The following PPP1R13L variants were observed in gnomAD, a reference collection of about 807,000 sequenced individuals.
PPP1R13L encodes protein phosphatase 1 regulatory subunit 13 like.
PPP1R13L carries 50 observed loss-of-function variants against 80.9 expected under a neutral mutation model. That is an observed-to-expected ratio of 0.62 (90% confidence interval 0.49 to 0.78). The LOEUF is 0.78. PPP1R13L is among the 30% of genes least tolerant of loss of function. The probability of loss-of-function intolerance (pLI) is 0.00; values close to 1 mark genes in which losing one functional copy is unlikely to be tolerated. For synonymous variants in PPP1R13L, 602 were observed against 534.3 expected, an observed-to-expected ratio of 1.13 and a Z score of -1.75; for missense variants, 1,200 against 1,205.9, an observed-to-expected ratio of 1.00 and a Z score of 0.07.
intron 1 of PPP1R13L, 49 bp from the exon 2 acceptor site, chr19:45,398,388 C>A: frequency 6.4e-7 from 1 of 1,574,368 alleles, no homozygotes; most frequent in African/African-American, 1.4e-5. Context: ...CCCCTCTAGA[C>A]CCCGCCCTCA....
chr19:45,384,243 G>T (rs1270136306), intron 11 of PPP1R13L, among the ~76,000 whole-genome samples: 1 of 151,432 alleles, frequency 6.6e-6, no homozygotes. Context: ...TTTGTAGGCC[G>T]GGCACAGTGG....
In PPP1R13L at chr19:45,398,037, G is replaced by A. The variant is rs747260228; in HGVS notation, c.166C>T (p.Pro56Ser). ...GGGGGTCCGGCCTGCGGGCCAGGAGGCGCGGGAGAGTCTGACCACAGCGAC... is the reference window on the plus strand; with the variant it reads ...GGGGGTCCGGCCTGCGGGCCAGGAGACGCGGGAGAGTCTGACCACAGCGAC... ...LESLWSDSPA[P>S]PGPQAGPPSR... is the part of the protein sequence containing the mutation. The change falls in exon 3 of 13, where the codon CCT becomes TCT. Residue 56 changes from proline (P) to serine (S), a missense_variant. Around this residue, in one of 5 missense-constraint regions of PPP1R13L, gnomAD observed 764 missense variants for 714.5 expected, o/e 1.07. Coordinates refer to ENST00000360957, the MANE Select transcript of PPP1R13L (RefSeq NM_006663.4). 1.2e-5 allele frequency: 19 copies of A among 1,613,806 alleles called. No homozygotes were observed. The highest frequency in any genetic ancestry group is 2.2e-5 in the East Asian group (1 of 44,894).
intron 1 of PPP1R13L, among the ~76,000 whole-genome samples, chr19:45,404,702 A>G (rs4803817): frequency 0.28 from 42,634 of 151,936 alleles, 6,440 homozygotes; most frequent in African/African-American, 0.37. Context: ...GAACCCCTAT[A>G]CTACCCAAAG....
At position 45,380,091 on chromosome 19, in the gene PPP1R13L, G is replaced by A. The variant is rs886625135; in HGVS notation, c.*99C>T. The stretch of plus-strand genomic sequence containing the variant: ...TGGCAAGGACCACCACCAGCAGGGT[G>A]AGGGGTGCAGATAAAGGCAGCAAAA... On this transcript the variant is annotated 3_prime_UTR_variant, in exon 13 of 13. Transcript: ENST00000360957. 1 of 1,336,930 alleles carries A rather than the reference G, an allele frequency of 7.5e-7. No individual in the cohort carries two copies. The highest frequency in any genetic ancestry group is 1.1e-6 in the Non-Finnish European group (1 of 938,356). 82.8% of individuals were successfully genotyped at this position (1,336,930 alleles called of 1,614,324 possible). A position where few individuals can be genotyped will look rare whatever the true frequency, so the allele number is the denominator to read the frequency against.
At chr19:45,390,990 G>C (rs1972961160) in intron 8 of PPP1R13L, among the ~76,000 whole-genome samples, 1 of 152,054 alleles carries the variant, frequency 6.6e-6, no homozygotes. Context: ...TTGAAGTCAG[G>C]AGTTTGAGAC....
In PPP1R13L at chr19:45,396,086, G is replaced by C; in HGVS notation, c.903+82C>G. On this transcript the variant is annotated intron_variant, in intron 6 of 12. Coordinates refer to ENST00000360957, the MANE Select transcript of PPP1R13L (RefSeq NM_006663.4). The surrounding 1 kb of genome is among the most constrained non-coding windows in gnomAD (Gnocchi z 5.3). ...CCGAGACCCAGATCGCAGCCCCGAG[G>C]GGGAGACTGGCCTTGACCCCGCTCC... is the stretch of plus-strand genomic sequence containing the variant. 1 of 1,471,552 alleles carries C rather than the reference G, an allele frequency of 6.8e-7. No individual in the cohort carries two copies. Among genetic ancestry groups the C allele is most frequent in the Non-Finnish European group, 9.2e-7 (1 of 1,088,912 alleles). The allele number at this position is 1,471,552 out of a possible 1,614,324, so 91.2% of individuals were successfully genotyped here. A position where few individuals can be genotyped will look rare whatever the true frequency, so the allele number is the denominator to read the frequency against.
Position 45,396,124 on chromosome 19 carries a change from C to G in PPP1R13L, c.903+44G>C. ...TTGACCCCGCTCCCCCACCCCACTC[C>G]TCGACCTTCCCCAGCCTCTCCTCCC... On this transcript the variant is annotated intron_variant, in intron 6 of 12. Coordinates refer to ENST00000360957, the MANE Select transcript of PPP1R13L (RefSeq NM_006663.4). This position sits in a 1 kb window ranked among gnomAD's most constrained non-coding sequence, Gnocchi z 5.3. The G allele has an allele frequency of 6.4e-7, 1 of 1,551,638 alleles. No homozygotes were observed. Among genetic ancestry groups the G allele is most frequent in the Non-Finnish European group, 8.7e-7 (1 of 1,149,534 alleles).
In PPP1R13L at chr19:45,396,585, G is replaced by A; in HGVS notation, c.672C>T (p.Gly224=). 1 of 1,499,432 alleles carries A rather than the reference G, an allele frequency of 6.7e-7. No homozygotes were observed. The highest frequency in any genetic ancestry group is 8.8e-7 in the Non-Finnish European group (1 of 1,133,158). 92.9% of individuals were successfully genotyped at this position (1,499,432 alleles called of 1,614,324 possible). A position where few individuals can be genotyped will look rare whatever the true frequency, so the allele number is the denominator to read the frequency against. ...PASAFGSSLL[G]SGGSAFAPPL... is the part of the protein sequence containing the mutation. Reference sequence around the variant, plus strand: ...GCGGGGCGAATGCGCTGCCGCCGGAGCCTAGCAGGGAGCTCCCGAAGGCGG... The same window carrying A: ...GCGGGGCGAATGCGCTGCCGCCGGAACCTAGCAGGGAGCTCCCGAAGGCGG... Residue 224 remains glycine (G), a synonymous_variant, in exon 4 of 13, where the codon GGC becomes GGT. Coordinates refer to ENST00000360957, the MANE Select transcript of PPP1R13L (RefSeq NM_006663.4). This position sits in a 1 kb window ranked among gnomAD's most constrained non-coding sequence, Gnocchi z 5.3.
At chr19:45,389,986 G>GT (rs1351559479) in intron 8 of PPP1R13L, among the ~76,000 whole-genome samples, 4 of 151,872 alleles carry the variant, frequency 2.6e-5, no homozygotes, top group Non-Finnish European at 5.9e-5. Context: ...TAGAGACGGG[G>GT]TTTCACCGTG....
At chr19:45,387,779 C>A (rs995763303) in intron 8 of PPP1R13L, among the ~76,000 whole-genome samples, 2 of 152,206 alleles carry the variant, frequency 1.3e-5, no homozygotes, top group African/African-American at 4.8e-5. Flanking sequence ...TCTTGTTCTC[C>A]TGACCTCGTG....
In PPP1R13L at chr19:45,382,635, G is replaced by A; in HGVS notation, c.2340C>T (p.Arg780=). ...GCAGCACGGTGACCGACTCGCCCTC[G>A]CGGAAGGACAGCTCGTCCCCGAACT... The part of the protein sequence containing the change: ...SAEFGDELSF[R]EGESVTVLRR... Residue 780 remains arginine (R), a synonymous_variant, in exon 12 of 13, where the codon CGC becomes CGT. Transcript: ENST00000360957. The A allele has an allele frequency of 6.2e-7, 1 of 1,613,822 alleles. No homozygotes were observed. Among genetic ancestry groups the A allele is most frequent in the Non-Finnish European group, 8.5e-7 (1 of 1,180,038 alleles).
In PPP1R13L at chr19:45,396,548, G is replaced by T. The variant is rs1366184058; in HGVS notation, c.709C>A (p.Gln237Lys). ...GSAFAPPLRA[Q>K]DDLTLRRRPP... is the part of the protein sequence containing the mutation. ...CGCGAGGGGCCCCTGGGTTCACCTTGCGCGCGCAGAGGCGGGGCGAATGCG... is the reference window on the plus strand; with the variant it reads ...CGCGAGGGGCCCCTGGGTTCACCTTTCGCGCGCAGAGGCGGGGCGAATGCG... The change falls in exon 4 of 13, where the codon CAA becomes AAA. Residue 237 changes from glutamine (Q) to lysine (K), a missense_variant. By Grantham distance (53) the Gln-to-Lys change is moderately conservative (BLOSUM62 1). Coordinates refer to ENST00000360957, the MANE Select transcript of PPP1R13L (RefSeq NM_006663.4). The surrounding 1 kb of genome is among the most constrained non-coding windows in gnomAD (Gnocchi z 5.3). 1 of 1,553,610 alleles carries T rather than the reference G, an allele frequency of 6.4e-7. No homozygotes were observed. The highest frequency in any genetic ancestry group is 8.6e-7 in the Non-Finnish European group (1 of 1,156,464).
At position 45,396,652 on chromosome 19, in the gene PPP1R13L, G is replaced by A. The variant is rs760022138; in HGVS notation, c.605C>T (p.Pro202Leu). The A allele has an allele frequency of 6.4e-5, 94 of 1,466,732 alleles. No individual in the cohort carries two copies. The African/African-American group carries it at 1.2e-3, about 19-fold the overall frequency. 90.9% of individuals were successfully genotyped at this position (1,466,732 alleles called of 1,614,324 possible). Reference protein sequence around the residue: ...GPQAFFPERGPSPRPPATAYD... With the variant: ...GPQAFFPERGLSPRPPATAYD... ...GGCTGTGGCAGGGGGGCGCGGTGAC[G>A]GCCCACGCTCGGGGAAGAAGGCCTG... The change falls in exon 4 of 13, where the codon CCG becomes CTG. Residue 202 changes from proline (P) to leucine (L), a missense_variant. Physicochemically the swap from Pro to Leu is moderately conservative, Grantham distance 98. Coordinates refer to ENST00000360957, the MANE Select transcript of PPP1R13L (RefSeq NM_006663.4). This position sits in a 1 kb window ranked among gnomAD's most constrained non-coding sequence, Gnocchi z 5.3.
intron 1 of PPP1R13L, among the ~76,000 whole-genome samples, chr19:45,403,217 G>T (rs1020223087): frequency 1.3e-5 from 2 of 152,134 alleles, no homozygotes; most frequent in Non-Finnish European, 2.9e-5. Context: ...ACACATACAG[G>T]ATTCATAATT....
upstream of PPP1R13L, among the ~76,000 whole-genome samples, chr19:45,405,301 C>G (rs1483381884): frequency 1.3e-5 from 2 of 152,190 alleles, no homozygotes; most frequent in Non-Finnish European, 1.5e-5. Flanking sequence ...TACAGAAGAG[C>G]CGAGACGCCT....
chr19:45,391,482 C>T (rs1465405484), intron 8 of PPP1R13L, among the ~76,000 whole-genome samples: 1 of 152,194 alleles, frequency 6.6e-6, no homozygotes, highest in Non-Finnish European at 1.5e-5. Flanking sequence ...ACACAGCTAT[C>T]CTAAAGACTA....
intron 1 of PPP1R13L, among the ~76,000 whole-genome samples, chr19:45,398,777 T>G (rs1308961258): frequency 6.6e-6 from 1 of 151,238 alleles, no homozygotes; most frequent in Non-Finnish European, 1.5e-5. Context: ...ATTACAGGAG[T>G]GAGTCTCCGC....
At chr19:45,390,486 G>A (rs1972949888) in intron 8 of PPP1R13L, among the ~76,000 whole-genome samples, 1 of 152,098 alleles carries the variant, frequency 6.6e-6, no homozygotes. Context: ...ACTGTAAAAC[G>A]TTTTGTTCTG....
chr19:45,385,500 G>C (rs1972846644), intron 11 of PPP1R13L, 62 bp downstream of exon 11: 1 of 1,483,774 alleles, frequency 6.7e-7, no homozygotes, highest in Admixed American at 2.1e-5. Flanking sequence ...GGGGGTAGTT[G>C]CTCCCCTCCC....
Sources: gnomAD v4.1 joint callset for allele counts (sites outside exome capture counted in the v4.1 genomes callset) on GRCh38, gnomAD v4.1.1 for gene constraint, gnomAD v4.1.1 regional missense constraint, Gnocchi (gnomAD v3.1) non-coding constraint, MANE v1.5 for transcripts, NCBI Gene and HGNC (gene_info 2026-07-23, HGNC 2026-07-21) for gene names.